The following CACYBP variants were observed in gnomAD, a reference collection of about 807,000 sequenced individuals.
CACYBP encodes the protein calcyclin binding protein.
CACYBP carries 11 observed loss-of-function variants against 29.6 expected under a neutral mutation model. The observed-to-expected ratio is 0.37, with a 90% confidence interval of 0.23 to 0.61. The LOEUF is 0.61. Ranked by LOEUF, CACYBP falls within the 20% of genes least tolerant of loss-of-function variation. The pLI, the probability that CACYBP is intolerant of heterozygous loss-of-function variation, is 0.65. For synonymous variants in CACYBP, 73 were observed against 88.3 expected (o/e 0.83, Z 0.97); for missense variants, 163 against 260.7 (o/e 0.63, Z 2.58).
chr1:175,000,721 G>A, intron 1 of CACYBP: 3 of 537,670 alleles, frequency 5.6e-6, no homozygotes, highest in Non-Finnish European at 7.1e-6. Context: ...ATTTCATAGG[G>A]TTGTTAAAAA....
intron 4 of CACYBP, among the ~76,000 whole-genome samples, chr1:175,008,325 CAGAG>C (rs1672666881): frequency 6.6e-6 from 1 of 152,128 alleles, no homozygotes; most frequent in African/African-American, 2.4e-5. Context: ...AGATTTGCCT[CAGAG>C]AGGCCTTCCT....
chr1:175,006,675 A>G, intron 2 of CACYBP, 70 bp from the exon 3 acceptor site: 1 of 757,044 alleles, frequency 1.3e-6, no homozygotes, highest in South Asian at 1.6e-5. Flanking sequence ...CTTATGAGCC[A>G]TGTGCATTTG....
intron 1 of CACYBP, among the ~76,000 whole-genome samples, chr1:175,003,699 T>C (rs1487343663): frequency 1.3e-5 from 2 of 152,194 alleles, no homozygotes; most frequent in Non-Finnish European, 2.9e-5. Flanking sequence ...TGTAAAGTTA[T>C]TGTAAGAAAA....
At chr1:175,009,317 C>T (rs1672689926) in intron 5 of CACYBP, among the ~76,000 whole-genome samples, 1 of 151,878 alleles carries the variant, frequency 6.6e-6, no homozygotes, top group Admixed American at 6.6e-5. Context: ...AAAATGAAAA[C>T]AAGTTAGAAA....
chr1:175,000,286 G>A lies in CACYBP; in HGVS notation c.15+91G>A, dbSNP rs890240182. On this transcript the variant is annotated intron_variant, in intron 1 of 5. Coordinates refer to ENST00000367679, the MANE Select transcript of CACYBP (RefSeq NM_014412.3). ...TACCGCCGTTTCCGTGGGCTGAGCC[G>A]CCCTGCGGCCACCCGGTCCCGCGCC... is the stretch of plus-strand genomic sequence containing the variant. 3.8e-5 allele frequency: 58 copies of A among 1,527,702 alleles called. 1 individual carries two copies. Among genetic ancestry groups the A allele is most frequent in the South Asian group, 2.7e-4 (22 of 82,722 alleles). 94.6% of individuals were successfully genotyped at this position (1,527,702 alleles called of 1,614,324 possible). A position where few individuals can be genotyped will look rare whatever the true frequency, so the allele number is the denominator to read the frequency against.
At chr1:175,003,161 C>T (rs1672532552) in intron 1 of CACYBP, among the ~76,000 whole-genome samples, 2 of 151,224 alleles carry the variant, frequency 1.3e-5, no homozygotes, top group South Asian at 4.2e-4. Context: ...TCTTGTTGCC[C>T]GGGCTGGAGT....
At chr1:175,008,795 TC>T (rs1442621969) in intron 5 of CACYBP, 89 bp downstream of exon 5, 2 of 733,506 alleles carry the variant, frequency 2.7e-6, no homozygotes, top group African/African-American at 3.5e-5. Flanking sequence ...ATAATGTATT[TC>T]TGCTTTCAAC....
intron 1 of CACYBP, among the ~76,000 whole-genome samples, chr1:175,002,702 G>C (rs1160277159): frequency 6.6e-6 from 1 of 152,118 alleles, no homozygotes; most frequent in Admixed American, 6.5e-5. Context: ...GCCAATAACA[G>C]AACTGAGGAA....
intron 4 of CACYBP, 85 bp from the exon 5 acceptor site, chr1:175,008,524 C>CAATT: frequency 4.0e-6 from 3 of 746,400 alleles, no homozygotes; most frequent in Non-Finnish European, 4.7e-6. Flanking sequence ...GGGACTTGAT[C>CAATT]AATTGAATAG....
Position 175,011,571 on chromosome 1 carries a change from A to C in CACYBP, c.*1492A>C, listed in dbSNP as rs992514697. ...ATGTTTATAGGACAAGAAAAACCCC[A>C]CCATAACCCAAGGCAAACAATGTAT... is the stretch of plus-strand genomic sequence containing the variant. On this transcript the variant is annotated 3_prime_UTR_variant, in exon 6 of 6. Coordinates refer to ENST00000367679, the MANE Select transcript of CACYBP (RefSeq NM_014412.3). 1 of 152,226 alleles carries C rather than the reference A, an allele frequency of 6.6e-6. No homozygotes were observed. Among genetic ancestry groups the C allele is most frequent in the Non-Finnish European group, 1.5e-5 (1 of 68,030 alleles). 9.4% of individuals were successfully genotyped at this position (152,226 alleles called of 1,614,324 possible).
In CACYBP at chr1:175,011,378, A is replaced by AAGAT. The variant is rs1192488838; in HGVS notation, c.*1301_*1304dup. The AAGAT allele has an allele frequency of 6.6e-6, 1 of 151,952 alleles. No homozygotes were observed. The highest frequency in any genetic ancestry group is 2.4e-5 in the African/African-American group (1 of 41,322). The allele number at this position is 151,952 out of a possible 1,614,324, so 9.4% of individuals were successfully genotyped here. On this transcript the variant is annotated 3_prime_UTR_variant, in exon 6 of 6. Coordinates refer to ENST00000367679, the MANE Select transcript of CACYBP (RefSeq NM_014412.3). ...GTAAAGATGGGTTTTTAATGATACT[A>AAGAT]AGATAACTGAAAATAGGCATATAGA...
chr1:175,006,632 T>C, intron 2 of CACYBP, 113 bp from the exon 3 acceptor site: 2 of 596,778 alleles, frequency 3.4e-6, no homozygotes, highest in South Asian at 4.7e-5. Flanking sequence ...TTCATGTTTA[T>C]ATGACTGGAT....
At chr1:175,008,849 T>C (rs760066992) in intron 5 of CACYBP, 143 bp downstream of exon 5, 58 of 618,374 alleles carry the variant, frequency 9.4e-5, no homozygotes, top group Non-Finnish European at 1.4e-4. Flanking sequence ...AGTTGCTTTT[T>C]AAGGTCTTTG....
intron 2 of CACYBP, among the ~76,000 whole-genome samples, chr1:175,006,333 T>A (rs1331293990): frequency 6.6e-6 from 1 of 152,158 alleles, no homozygotes; most frequent in Non-Finnish European, 1.5e-5. Context: ...GTAGAAATGG[T>A]TATGGAATTA....
chr1:175,000,284 C>A (rs1287277072), intron 1 of CACYBP, 89 bp downstream of exon 1: 1 of 1,534,116 alleles, frequency 6.5e-7, no homozygotes, highest in African/African-American at 1.4e-5. Context: ...GTGGGCTGAG[C>A]CGCCCTGCGG....
intron 1 of CACYBP, chr1:175,000,625 A>T (rs2149409336): frequency 9.6e-7 from 1 of 1,043,930 alleles, no homozygotes; most frequent in African/African-American, 1.7e-5. Flanking sequence ...TAGCACTTGA[A>T]TTCTCCTAGT....
intron 5 of CACYBP, among the ~76,000 whole-genome samples, chr1:175,009,643 CAA>C (rs67446162): frequency 9.0e-4 from 90 of 100,454 alleles, no homozygotes; most frequent in Middle Eastern, 4.7e-3. Flanking sequence ...AGGACTGTCT[CAA>C]AAAAAAAAAA....
At position 175,011,106 on chromosome 1, in the gene CACYBP, TAAAAAAAAAAAA is replaced by T. The variant is rs535813233; in HGVS notation, c.*1037_*1048del. ...GTAACAGATTGAGAACCTGTCTCAT[TAAAAAAAAAAAA>T]AAAAAAAAAGCCGTTAGACACACAG... On this transcript the variant is annotated 3_prime_UTR_variant, in exon 6 of 6. Coordinates refer to ENST00000367679, the MANE Select transcript of CACYBP (RefSeq NM_014412.3). The T allele has an allele frequency of 2.3e-5, 2 of 85,224 alleles. No homozygotes were observed. Among genetic ancestry groups the T allele is most frequent in the African/African-American group, 9.4e-5 (2 of 21,234 alleles). The allele number at this position is 85,224 out of a possible 1,614,324, so 5.3% of individuals were successfully genotyped here.
intron 4 of CACYBP, among the ~76,000 whole-genome samples, chr1:175,008,003 C>T (rs1437414314): frequency 1.3e-5 from 2 of 152,186 alleles, no homozygotes; most frequent in African/African-American, 2.4e-5. Flanking sequence ...GTTGGATTCG[C>T]TGTCTTACTG....
Sources: allele counts gnomAD v4.1 joint callset (sites outside exome capture counted in the v4.1 genomes callset), GRCh38; gene constraint gnomAD v4.1.1; transcripts MANE v1.5; gene names NCBI Gene and HGNC (gene_info 2026-07-23, HGNC 2026-07-21).